FREM1: variants seen among roughly 807,000 people sequenced by gnomAD.
FREM1 encodes the protein FRAS1-related extracellular matrix protein 1.
Under a neutral mutation model 210.1 loss-of-function variants are expected in FREM1, and 220 were observed. That is an observed-to-expected ratio of 1.05 (90% CI 0.94 to 1.17). The LOEUF (loss-of-function observed/expected upper bound fraction) is 1.17. Ranked by LOEUF, FREM1 falls within the 50% of genes most tolerant of loss-of-function variation. FREM1 has a pLI of 0.00. For synonymous variants in FREM1, 1,189 were observed against 980.2 expected (o/e 1.21, Z -3.98); for missense variants, 3,454 against 2,675.5 (o/e 1.29, Z -6.42).
At position 14,816,838 on chromosome 9, in the gene FREM1, A is replaced by T; in HGVS notation, c.2580T>A (p.Asp860Glu). The T allele has an allele frequency of 1.4e-6, 2 of 1,440,730 alleles. No individual in the cohort carries two copies. 89.2% of individuals were successfully genotyped at this position (1,440,730 alleles called of 1,614,324 possible). Reference sequence around the variant, plus strand: ...CATCGGTGACCTCCAAGAGTAGGTCATCCTGAAGAACTTCAGTTCCATCAT... The same window carrying T: ...CATCGGTGACCTCCAAGAGTAGGTCTTCCTGAAGAACTTCAGTTCCATCAT... ...YQHDGTEVLQ[D>E]DLLLEVTDGT... Residue 860 changes from aspartate to glutamate, a missense_variant, in exon 15 of 37, where the codon GAT becomes GAA. Transcript: ENST00000380880.
In FREM1 at chr9:14,776,007, C is replaced by G. The variant is rs748462601; in HGVS notation, c.4639G>C (p.Val1547Leu). 1.2e-6 allele frequency: 2 copies of G among 1,613,866 alleles called. No homozygotes were observed. Among genetic ancestry groups the G allele is most frequent in the Non-Finnish European group, 1.7e-6 (2 of 1,179,890 alleles). ...TPAENLTFLL[V>L]QLPQHGQLYL... ...AGCTGGCCATGCTGGGGGAGCTGAA[C>G]CAAGAGGAAGGTGAGGTTCTCCGCA... The change falls in exon 25 of 37, where the codon GTT becomes CTT. Residue 1547 changes from valine to leucine, a missense_variant. Transcript: ENST00000380880.
chr9:14,858,435 A>C (rs572781059), intron 4 of FREM1, among the ~76,000 whole-genome samples: 259 of 152,090 alleles, frequency 1.7e-3, no homozygotes, highest in Non-Finnish European at 2.0e-3. Flanking sequence ...CCTGGCCTCA[A>C]GCAGTCTTCC....
chr9:14,897,746 A>T (rs780752752), intron 1 of FREM1, among the ~76,000 whole-genome samples: 1 of 152,092 alleles, frequency 6.6e-6, no homozygotes, highest in African/African-American at 2.4e-5. Flanking sequence ...ACTCGCCACC[A>T]TGCCTGACTA....
chr9:14,890,042 G>C (rs1252824376), intron 1 of FREM1, among the ~76,000 whole-genome samples: 1 of 152,180 alleles, frequency 6.6e-6, no homozygotes, highest in East Asian at 1.9e-4. Flanking sequence ...TGGAGCTAAG[G>C]ATACTCCTTT....
chr9:14,842,474 T>G lies in FREM1; in HGVS notation c.1580A>C (p.Asn527Thr), dbSNP rs375691766. The G allele has an allele frequency of 1.9e-6, 3 of 1,613,998 alleles. No homozygotes were observed. The highest frequency in any genetic ancestry group is 1.1e-5 in the South Asian group (1 of 91,088). Residue 527 changes from asparagine to threonine, a missense_variant, in exon 9 of 37, where the codon AAT (asparagine) becomes ACT (threonine). Transcript: ENST00000380880. ...KDDSPPFLIT[N>T]VVIELEEGQT... ...CCCCTCCTCCAGTTCAATCACAACA[T>G]TGGTTATGAGGAACGGGGGACTATC... is the stretch of plus-strand genomic sequence containing the variant.
intron 23 of FREM1, among the ~76,000 whole-genome samples, chr9:14,787,514 A>T (rs76843807): frequency 1.5e-3 from 228 of 152,250 alleles, no homozygotes; most frequent in Middle Eastern, 0.01. Context: ...AGCCTCTCTT[A>T]ATGTGGCATG....
chr9:14,823,456 T>G (rs1179318014), intron 12 of FREM1, 129 bp from the exon 13 acceptor site: 1 of 786,486 alleles, frequency 1.3e-6, no homozygotes, highest in Non-Finnish European at 2.0e-6. Flanking sequence ...ACTTTGAAGA[T>G]TACCAAAAGC....
chr9:14,888,749 T>C (rs953024521), intron 1 of FREM1, among the ~76,000 whole-genome samples: 1 of 152,214 alleles, frequency 6.6e-6, no homozygotes, highest in African/African-American at 2.4e-5. Context: ...TTCTAATCCA[T>C]AACCTACATC....
At chr9:14,857,460 C>G (rs1225018185) in intron 5 of FREM1, 93 bp downstream of exon 5, 3 of 1,093,198 alleles carry the variant, frequency 2.7e-6, no homozygotes, top group Admixed American at 1.7e-5. Context: ...CACAGGAACT[C>G]TCCCTGGCAT....
intron 1 of FREM1, among the ~76,000 whole-genome samples, chr9:14,905,282 G>T (rs1271352319): frequency 6.6e-6 from 1 of 152,144 alleles, no homozygotes; most frequent in East Asian, 1.9e-4. Context: ...GAGAGAGAGA[G>T]TGCACACTCC....
intron 1 of FREM1, among the ~76,000 whole-genome samples, chr9:14,882,300 C>T (rs1834932531): frequency 6.6e-6 from 1 of 151,934 alleles, no homozygotes; most frequent in African/African-American, 2.4e-5. Context: ...GAGATAAGGT[C>T]AAAGTCCAAG....
rs183636793 is a variant in FREM1 at position 14,851,707 on chromosome 9, G to A, written c.829-100C>T. The A allele has an allele frequency of 1.2e-3, 1,124 of 944,066 alleles. 1 individual carries two copies. Among genetic ancestry groups the A allele is most frequent in the Non-Finnish European group, 1.6e-3 (952 of 586,472 alleles). 58.5% of individuals were successfully genotyped at this position (944,066 alleles called of 1,614,324 possible). On this transcript the variant is annotated intron_variant, in intron 5 of 36. Transcript: ENST00000380880. ...ATATTTAATACAGCCACAGCCTAGC[G>A]TCTAGCAGTGACCTGAAGCCTGGCT...
intron 23 of FREM1, among the ~76,000 whole-genome samples, chr9:14,785,745 C>T (rs1389737): frequency 0.97 from 147,830 of 152,160 alleles, 71,948 homozygotes; most frequent in Middle Eastern, 1. Context: ...AGACAGAACA[C>T]AGGACAATGG....
chr9:14,800,656 G>T (rs1471302100), intron 20 of FREM1, among the ~76,000 whole-genome samples: 1 of 152,058 alleles, frequency 6.6e-6, no homozygotes, highest in African/African-American at 2.4e-5. Flanking sequence ...TTAAATGTTT[G>T]AGTGAAAATA....
At chr9:14,894,814 G>A (rs887984320) in intron 1 of FREM1, among the ~76,000 whole-genome samples, 3 of 152,206 alleles carry the variant, frequency 2.0e-5, no homozygotes, top group Non-Finnish European at 4.4e-5. Flanking sequence ...TGGCAATATA[G>A]TTATTTGCAT....
At chr9:14,873,059 G>C (rs990999950) in intron 1 of FREM1, among the ~76,000 whole-genome samples, 6 of 152,106 alleles carry the variant, frequency 3.9e-5, no homozygotes, top group African/African-American at 1.4e-4. Flanking sequence ...TGTGCTGCTG[G>C]ATTCGGTTTG....
chr9:14,750,754 T>C (rs1843211395), intron 29 of FREM1, among the ~76,000 whole-genome samples: 1 of 152,196 alleles, frequency 6.6e-6, no homozygotes, highest in African/African-American at 2.4e-5. Flanking sequence ...GCTGCCTGCA[T>C]CGGCTTCCCC....
At chr9:14,744,182 G>C (rs1000712333) in intron 35 of FREM1, among the ~76,000 whole-genome samples, 6 of 151,996 alleles carry the variant, frequency 3.9e-5, no homozygotes, top group African/African-American at 1.4e-4. Context: ...TACACCAGTA[G>C]AGAAAAAGGT....
chr9:14,801,725 C>A lies in FREM1; in HGVS notation c.3621G>T (p.Glu1207Asp). Residue 1207 changes from glutamate (E) to aspartate (D), a missense_variant, in exon 20 of 37, where the codon GAG (glutamate) becomes GAT (aspartate). Physicochemically the swap from Glu to Asp is conservative, Grantham distance 45. Coordinates refer to ENST00000380880, the MANE Select transcript of FREM1 (RefSeq NM_001379081.2). Reference protein sequence around the residue: ...IDRGFSKDFSENKQPANPHQK... With the variant: ...IDRGFSKDFSDNKQPANPHQK... ...GGTGAGGGTTGGCTGGCTGCTTATTCTCAGAGAAGTCTTTGCTAAACCCCC... is the reference window on the plus strand; with the variant it reads ...GGTGAGGGTTGGCTGGCTGCTTATTATCAGAGAAGTCTTTGCTAAACCCCC... The A allele has an allele frequency of 6.2e-7, 1 of 1,613,970 alleles. No homozygotes were observed. Among genetic ancestry groups the A allele is most frequent in the Non-Finnish European group, 8.5e-7 (1 of 1,179,882 alleles).
Sources: allele counts gnomAD v4.1 joint callset (sites outside exome capture counted in the v4.1 genomes callset), GRCh38; gene constraint gnomAD v4.1.1; transcripts MANE v1.5; gene names NCBI Gene and HGNC (gene_info 2026-07-23, HGNC 2026-07-21).